The following PVT1 variants were observed in gnomAD, a reference collection of about 807,000 sequenced individuals.
PVT1 encodes Pvt1 oncogene, also known as CXCR4/PVT1 fusion.
intron 5 of PVT1, among the ~76,000 whole-genome samples, chr8:128,091,042 G>T (rs972592327): frequency 1.2e-4 from 18 of 152,104 alleles, no homozygotes; most frequent in African/African-American, 3.6e-4. Context: ...AGACTTTCCT[G>T]GGGGATTAAA....
At chr8:128,093,621 C>T (rs1814388408) in intron 5 of PVT1, among the ~76,000 whole-genome samples, 1 of 152,070 alleles carries the variant, frequency 6.6e-6, no homozygotes, top group South Asian at 2.1e-4. Flanking sequence ...CGACTATCAC[C>T]TCCCTCAGGG....
rs115735904 is a variant in PVT1, at chr8:128,041,203, T to G, written n.913-28957T>G. 1.8e-3 allele frequency among the ~76,000 whole-genome samples: 131 copies of G among 71,936 alleles called. No individual in the cohort carries two copies. The Middle Eastern group carries it at 0.029, about 16-fold the overall frequency. 47.2% of individuals were successfully genotyped at this position (71,936 alleles called of 152,430 possible). ...GTGTTTTGTGCTTGTGTTCGTGTGT[T>G]TGCATGTGTGTTTGTGTGTGTGCAT... On this transcript the variant is annotated intron_variant and non_coding_transcript_variant, in intron 4 of 10. Transcript: ENST00000651587.
intron 3 of PVT1, among the ~76,000 whole-genome samples, chr8:127,970,669 T>C (rs910903964): frequency 2.0e-5 from 3 of 151,996 alleles, no homozygotes; most frequent in African/African-American, 4.8e-5. Context: ...GGGGAAGACT[T>C]AGGACTGGGG....
intron 4 of PVT1, among the ~76,000 whole-genome samples, chr8:128,025,269 C>T (rs570517438): frequency 3.3e-4 from 51 of 152,266 alleles, no homozygotes; most frequent in African/African-American, 1.1e-3. Flanking sequence ...TTCGGGGCCT[C>T]GGGGGCCAGC....
At chr8:127,877,086 CA>C (rs1815413647) in intron 2 of PVT1, among the ~76,000 whole-genome samples, 1 of 152,290 alleles carries the variant, frequency 6.6e-6, no homozygotes, top group South Asian at 2.1e-4. Flanking sequence ...ACAGGTTTAG[CA>C]GAGTGGCGTG....
At chr8:127,911,585 C>A (rs1815898382) in intron 3 of PVT1, among the ~76,000 whole-genome samples, 1 of 152,238 alleles carries the variant, frequency 6.6e-6, no homozygotes. Context: ...ACTGTATAAG[C>A]CTCTGTTTCT....
intron 2 of PVT1, among the ~76,000 whole-genome samples, chr8:127,836,876 CG>C (rs1482401294): frequency 6.6e-6 from 1 of 152,026 alleles, no homozygotes; most frequent in Non-Finnish European, 1.5e-5. Flanking sequence ...GCTGCTGGGC[CG>C]GGAGTCCCCC....
At chr8:127,922,721 C>T (rs1414599127) in intron 3 of PVT1, among the ~76,000 whole-genome samples, 1 of 152,220 alleles carries the variant, frequency 6.6e-6, no homozygotes, top group Non-Finnish European at 1.5e-5. Context: ...CAGGCTTAGG[C>T]GAGGTCCTGC....
chr8:127,817,225 C>T (rs1268464939), intron 2 of PVT1, among the ~76,000 whole-genome samples: 5 of 151,626 alleles, frequency 3.3e-5, no homozygotes, highest in Admixed American at 1.3e-4. Context: ...TGGTTGAGAG[C>T]GCTGTTCTGG....
intron 4 of PVT1, among the ~76,000 whole-genome samples, chr8:128,020,038 C>T (rs768459872): frequency 2.1e-4 from 30 of 141,828 alleles, no homozygotes; most frequent in Non-Finnish European, 4.2e-4. Flanking sequence ...TCGTCTTTTC[C>T]ACCACCCCTC....
chr8:128,041,034 G>T (rs111215795), intron 4 of PVT1, among the ~76,000 whole-genome samples: 9 of 150,204 alleles, frequency 6.0e-5, no homozygotes, highest in South Asian at 2.1e-4. Flanking sequence ...GCTCGTGTGT[G>T]TTGAGTGCCT....
chr8:127,819,277 A>T (rs773125836), intron 2 of PVT1, among the ~76,000 whole-genome samples: 2 of 152,316 alleles, frequency 1.3e-5, no homozygotes, highest in Non-Finnish European at 2.9e-5. Context: ...TGTCTGCAAA[A>T]TGAGGCTAGT....
intron 2 of PVT1, among the ~76,000 whole-genome samples, chr8:127,825,117 T>TA (rs58377389): frequency 0.48 from 38,762 of 80,868 alleles, 9,230 homozygotes; most frequent in Non-Finnish European, 0.51. Context: ...AAACACTAGC[T>TA]AAAAAAAAAA....
chr8:127,949,188 G>C (rs1393323356), intron 3 of PVT1, among the ~76,000 whole-genome samples: 3 of 152,094 alleles, frequency 2.0e-5, no homozygotes, highest in African/African-American at 7.2e-5. Context: ...TCCATATGTG[G>C]AACTTCGTAG....
At chr8:128,015,041 G>A (rs1195813224) in intron 4 of PVT1, among the ~76,000 whole-genome samples, 1 of 150,338 alleles carries the variant, frequency 6.7e-6, no homozygotes, top group Non-Finnish European at 1.5e-5. Context: ...CTAAGAGAAA[G>A]AAAAGAGAAA....
intron 5 of PVT1, among the ~76,000 whole-genome samples, chr8:128,078,513 A>G (rs1184372977): frequency 1.3e-5 from 2 of 152,192 alleles, no homozygotes; most frequent in African/African-American, 4.8e-5. Context: ...TACTAAGAAC[A>G]GTGGCTTCCA....
intron 2 of PVT1, among the ~76,000 whole-genome samples, chr8:127,820,300 C>A (rs1368493982): frequency 6.6e-6 from 1 of 152,172 alleles, no homozygotes; most frequent in Non-Finnish European, 1.5e-5. Context: ...CTGATAGCTG[C>A]AAAGTTGCAC....
At chr8:128,031,827 G>T (rs1813393804) in intron 4 of PVT1, among the ~76,000 whole-genome samples, 1 of 152,174 alleles carries the variant, frequency 6.6e-6, no homozygotes, top group Admixed American at 6.5e-5. Context: ...ACTTTCTTAA[G>T]ATCTCACAGC....
intron 2 of PVT1, among the ~76,000 whole-genome samples, chr8:127,849,458 T>C (rs917861640): frequency 1.3e-5 from 2 of 152,104 alleles, no homozygotes; most frequent in Non-Finnish European, 2.9e-5. Flanking sequence ...TGGTTTTCAA[T>C]CAGATAAAGG....
Sources: gnomAD v4.1 joint callset for allele counts (sites outside exome capture counted in the v4.1 genomes callset) on GRCh38, gnomAD v4.1.1 for gene constraint, MANE v1.5 for transcripts, NCBI Gene and HGNC (gene_info 2026-07-23, HGNC 2026-07-21) for gene names.